Variants in KMT5B observed in about 807,000 individuals in gnomAD.
KMT5B encodes lysine methyltransferase 5B, also known as histone-lysine N-methyltransferase KMT5B.
A neutral mutation model predicts 83.2 loss-of-function variants in KMT5B; 10 were observed. The ratio of observed to expected loss-of-function variants is 0.12; its 90% CI spans 0.07 to 0.20. KMT5B has a LOEUF of 0.20. Ranked by LOEUF, KMT5B falls within the 10% of genes least tolerant of loss-of-function variation. The pLI, the probability that KMT5B is intolerant of heterozygous loss-of-function variation, is 1.00. For synonymous variants in KMT5B, 349 were observed against 388.8 expected (o/e 0.90, Z 1.20); for missense variants, 753 against 1,067.2 (o/e 0.71, Z 4.10).
intron 3 of KMT5B, 34 bp downstream of exon 3, chr11:68,185,747 A>G (rs772519708): frequency 2.5e-6 from 4 of 1,583,050 alleles, no homozygotes; most frequent in Non-Finnish European, 3.4e-6. Flanking sequence ...CAACATAATC[A>G]TCTGTTCCAT....
At chr11:68,167,296 C>T in intron 9 of KMT5B, 118 bp from the exon 10 acceptor site, 2 of 1,278,152 alleles carry the variant, frequency 1.6e-6, no homozygotes, top group Non-Finnish European at 2.1e-6. Context: ...AGGCCTTAAT[C>T]ACCACTGGAA....
At position 68,158,301 on chromosome 11, in the gene KMT5B, C is replaced by T; in HGVS notation, c.2045G>A (p.Ser682Asn). 6.2e-7 allele frequency: 1 copy of T among 1,614,168 alleles called. No homozygotes were observed. Among genetic ancestry groups the T allele is most frequent in the African/African-American group, 1.3e-5 (1 of 75,032 alleles). ...TCTAAAGCTGTCTTTTGTTTTGAAG[C>T]TATCTGATGTCACAACTGAACAACC... ...PVGCSVVTSD[S>N]FKTKDSFRTA... The change falls in exon 11 of 11, where the codon AGC (serine) becomes AAC (asparagine). Residue 682 changes from serine (S) to asparagine (N), a missense_variant. Coordinates refer to ENST00000304363, the MANE Select transcript of KMT5B (RefSeq NM_017635.5).
At chr11:68,162,785 A>C (rs1854976273) in intron 10 of KMT5B, among the ~76,000 whole-genome samples, 1 of 152,240 alleles carries the variant, frequency 6.6e-6, no homozygotes. Flanking sequence ...CTTACATGTT[A>C]CCAATGTATT....
At chr11:68,207,208 C>A (rs943456106) in intron 1 of KMT5B, among the ~76,000 whole-genome samples, 3 of 148,194 alleles carry the variant, frequency 2.0e-5, no homozygotes, top group Non-Finnish European at 3.0e-5. Flanking sequence ...AGCGAGACTC[C>A]GTTTCAAAAA....
At position 68,158,085 on chromosome 11, in the gene KMT5B, T is replaced by C. The variant is rs1476541743; in HGVS notation, c.2261A>G (p.Asp754Gly). The change falls in exon 11 of 11, where the codon GAT becomes GGT. Residue 754 changes from aspartate to glycine, a missense_variant. Transcript: ENST00000304363. ...AAGCTTTGCTACATAGAGATTGTTA[T>C]CGTTGTCATGGTCTTTGCTTAACTT... ...SIKLSKDHDNDNNLYVAKLNN... is the reference protein window; with the variant it reads ...SIKLSKDHDNGNNLYVAKLNN... 1.2e-6 allele frequency: 2 copies of C among 1,614,114 alleles called. No individual in the cohort carries two copies. The highest frequency in any genetic ancestry group is 1.3e-5 in the African/African-American group (1 of 74,946).
chr11:68,156,212 A>G lies in KMT5B; in HGVS notation c.*1476T>C, dbSNP rs1241784876. On this transcript the variant is annotated 3_prime_UTR_variant, in exon 11 of 11. Transcript: ENST00000304363. ...TGATTTTTACTTAGGAACACTGTAT[A>G]TCAGAAAGTACAGGTACACATTTCC... 6.6e-6 allele frequency: 1 copy of G among 152,306 alleles called. No individual in the cohort carries two copies. The highest frequency in any genetic ancestry group is 1.5e-5 in the Non-Finnish European group (1 of 68,044). The allele number at this position is 152,306 out of a possible 1,614,324, so 9.4% of individuals were successfully genotyped here.
At chr11:68,189,211 C>T (rs1857771768) in intron 2 of KMT5B, among the ~76,000 whole-genome samples, 1 of 152,262 alleles carries the variant, frequency 6.6e-6, no homozygotes, top group African/African-American at 2.4e-5. Context: ...TCCTCTTTAA[C>T]ATGACATACG....
rs1565225801 is a variant in KMT5B, at chr11:68,171,291, T to C, written c.821-40A>G. The C allele has an allele frequency of 2.5e-6, 4 of 1,603,342 alleles. No homozygotes were observed. The highest frequency in any genetic ancestry group is 4.5e-5 in the East Asian group (2 of 44,786). On this transcript the variant is annotated intron_variant, in intron 7 of 10. Transcript: ENST00000304363. This position sits in a 1 kb window ranked among gnomAD's most constrained non-coding sequence, Gnocchi z 5.1. Reference sequence around the variant, plus strand: ...AAAGATAAAGTCAATTAACTGTTGATAAGATCTGAAACACGAACAATTATA... The same window carrying C: ...AAAGATAAAGTCAATTAACTGTTGACAAGATCTGAAACACGAACAATTATA...
chr11:68,188,776 T>G (rs1191751494), intron 2 of KMT5B, among the ~76,000 whole-genome samples: 1 of 152,232 alleles, frequency 6.6e-6, no homozygotes, highest in Non-Finnish European at 1.5e-5. Flanking sequence ...ATGCCTAGTT[T>G]GCTGACCAGA....
intron 1 of KMT5B, among the ~76,000 whole-genome samples, chr11:68,208,625 AG>A (rs1224330751): frequency 6.6e-6 from 1 of 152,212 alleles, no homozygotes; most frequent in African/African-American, 2.4e-5. Flanking sequence ...ACAGGATGTT[AG>A]GAGAGAGACT....
At chr11:68,192,944 A>T (rs1858259873) in intron 1 of KMT5B, among the ~76,000 whole-genome samples, 1 of 152,224 alleles carries the variant, frequency 6.6e-6, no homozygotes, top group Non-Finnish European at 1.5e-5. Context: ...GAATTTGGGA[A>T]CCGATTGATC....
At chr11:68,163,541 C>T (rs1048337189) in intron 10 of KMT5B, among the ~76,000 whole-genome samples, 3 of 152,294 alleles carry the variant, frequency 2.0e-5, no homozygotes, top group African/African-American at 4.8e-5. Context: ...TCCAGTCAGA[C>T]AAAAGAGCTG....
chr11:68,165,171 C>G (rs1855202004), intron 10 of KMT5B, among the ~76,000 whole-genome samples: 1 of 152,148 alleles, frequency 6.6e-6, no homozygotes, highest in Non-Finnish European at 1.5e-5. Context: ...TCTCCATATA[C>G]AGATGGCAGC....
At chr11:68,200,038 A>G (rs1445027708) in intron 1 of KMT5B, among the ~76,000 whole-genome samples, 1 of 152,112 alleles carries the variant, frequency 6.6e-6, no homozygotes, top group Admixed American at 6.5e-5. Flanking sequence ...CACTTTTGAG[A>G]TGCCCACTAC....
At chr11:68,173,733 T>C in intron 6 of KMT5B, 71 bp downstream of exon 6, 1 of 1,054,940 alleles carries the variant, frequency 9.5e-7, no homozygotes, top group South Asian at 1.5e-5. Flanking sequence ...CATGAATTTC[T>C]CAGCACTTCA....
intron 4 of KMT5B, among the ~76,000 whole-genome samples, chr11:68,178,720 C>A (rs1356777138): frequency 1.3e-5 from 2 of 152,116 alleles, no homozygotes; most frequent in Non-Finnish European, 2.9e-5. Flanking sequence ...AAATCAAATC[C>A]CATTGTAACA....
At chr11:68,186,519 G>A (rs1290335629) in intron 2 of KMT5B, among the ~76,000 whole-genome samples, 1 of 152,208 alleles carries the variant, frequency 6.6e-6, no homozygotes, top group Non-Finnish European at 1.5e-5. Context: ...GAAGTGGAGA[G>A]AGAATGACAG....
intron 3 of KMT5B, among the ~76,000 whole-genome samples, chr11:68,184,084 T>C (rs1308125347): frequency 6.6e-6 from 1 of 152,040 alleles, no homozygotes; most frequent in African/African-American, 2.4e-5. Context: ...GACAGAAAAT[T>C]TTATGGTCAG....
Position 68,185,291 on chromosome 11 carries a change from C to T in KMT5B, c.308+490G>A, listed in dbSNP as rs575698657. On this transcript the variant is annotated intron_variant, in intron 3 of 10. Transcript: ENST00000304363. Reference sequence around the variant, plus strand: ...CACGATCTCGGCTCACTGCAACCTCCGCCTCCCGGGTTCAAGTGATTCTCC... The same window carrying T: ...CACGATCTCGGCTCACTGCAACCTCTGCCTCCCGGGTTCAAGTGATTCTCC... Among the ~76,000 whole-genome samples the T allele has an allele frequency of 5.9e-5, 9 of 152,208 alleles. No individual in the cohort carries two copies. In the East Asian group the frequency reaches 1.5e-3, roughly 26 times the overall value.
Sources: gnomAD v4.1 joint callset for allele counts (sites outside exome capture counted in the v4.1 genomes callset) on GRCh38, gnomAD v4.1.1 for gene constraint, Gnocchi (gnomAD v3.1) non-coding constraint, MANE v1.5 for transcripts, NCBI Gene and HGNC (gene_info 2026-07-23, HGNC 2026-07-21) for gene names.